The following KLHL11 variants were observed in gnomAD, a reference collection of about 807,000 sequenced individuals.
KLHL11 encodes the protein kelch-like protein 11.
Under a neutral mutation model 56.1 loss-of-function variants are expected in KLHL11, and 26 were observed. The observed-to-expected ratio is 0.46, with a 90% CI of 0.34 to 0.64. The LOEUF (loss-of-function observed/expected upper bound fraction) is 0.64, where lower values mean the gene tolerates loss of function less well. KLHL11 is among the 30% of genes least tolerant of loss of function. The probability of loss-of-function intolerance (pLI) is 0.01; values close to 1 mark genes in which losing one functional copy is unlikely to be tolerated. For missense variants in KLHL11, 627 were observed against 919.4 expected (o/e 0.68, Z 4.11); for synonymous variants, 338 against 345.8 (o/e 0.98, Z 0.25).
chr17:41,853,975 G>C lies in KLHL11; in HGVS notation c.1892C>G (p.Ala631Gly), dbSNP rs1555622219. Residue 631 changes from alanine to glycine, a missense_variant, in exon 2 of 2, where the codon GCC becomes GGC. Transcript: ENST00000319121. ...CTTCCTCTCCGCACAATATCGGTAG[G>C]CTTCTTTCCGATACTGTTTATCAAT... ...DDIDKQYRKE[A>G]YRYCAERKRW... 3 of 1,614,164 alleles carry C rather than the reference G, an allele frequency of 1.9e-6. No homozygotes were observed. The highest frequency in any genetic ancestry group is 2.7e-5 in the African/African-American group (2 of 75,038).
chr17:41,862,515 C>T (rs1039747873), intron 1 of KLHL11, among the ~76,000 whole-genome samples: 18 of 151,732 alleles, frequency 1.2e-4, no homozygotes, highest in African/African-American at 4.4e-4. Context: ...CTCCTGACCT[C>T]GTGATCTGCC....
chr17:41,858,218 C>CT (rs1174225045), intron 1 of KLHL11, among the ~76,000 whole-genome samples: 1,810 of 116,312 alleles, frequency 0.016, 53 homozygotes, highest in African/African-American at 0.024. Context: ...TCACCAGCCT[C>CT]TTTTTTTTTT....
rs782711771 is a variant in KLHL11, at chr17:41,865,390, G to A, written c.-20C>T. 1.5e-6 allele frequency: 2 copies of A among 1,325,970 alleles called. No individual in the cohort carries two copies. The highest frequency in any genetic ancestry group is 2.8e-5 in the East Asian group (1 of 35,406). The allele number at this position is 1,325,970 out of a possible 1,614,324, so 82.1% of individuals were successfully genotyped here. A position where few individuals can be genotyped will look rare whatever the true frequency, so the allele number is the denominator to read the frequency against. The stretch of plus-strand genomic sequence containing the variant: ...CGCCATCTTGACGCCGCTGCGCCCG[G>A]CCTCCACAGCCTCGGAACGATGCGG... On this transcript the variant is annotated 5_prime_UTR_variant, in exon 1 of 2. Transcript: ENST00000319121.
In KLHL11 at chr17:41,854,669, G is replaced by T. The variant is rs1555622340; in HGVS notation, c.1198C>A (p.His400Asn). 6.2e-7 allele frequency: 1 copy of T among 1,614,144 alleles called. No homozygotes were observed. The highest frequency in any genetic ancestry group is 1.7e-5 in the Admixed American group (1 of 60,024). The change falls in exon 2 of 2, where the codon CAT becomes AAT. Residue 400 changes from histidine to asparagine, a missense_variant. Physicochemically the swap from His to Asn is moderately conservative, Grantham distance 68 (BLOSUM62 1). Around this residue, in one of 4 missense-constraint regions of KLHL11, gnomAD observed 106 missense variants for 227.0 expected, o/e 0.47. Transcript: ENST00000319121. This position sits in a 1 kb window ranked among gnomAD's most constrained non-coding sequence, Gnocchi z 4.9. The stretch of plus-strand genomic sequence containing the variant: ...TAGGATTCTGTTACTGCAACAGCAT[G>T]TCCATCGAGGTGATTATGAATATGT... ...LPHIHNHLDG[H>N]AVAVTESYVY...
chr17:41,865,323 T>TGCAGCCGCGGCCGCC lies in KLHL11; in HGVS notation c.33_47dup (p.Ala12_Ala16dup). ...TCTCCATCTCCAGTACCTGAAGAGA[T>TGCAGCCGCGGCCGCC]GCAGCCGCGGCCGCCGCCGCCGCCG... On this transcript the variant is annotated inframe_insertion, in exon 1 of 2. Transcript: ENST00000319121. 1 of 1,473,444 alleles carries TGCAGCCGCGGCCGCC rather than the reference T, an allele frequency of 6.8e-7. No individual in the cohort carries two copies. 91.3% of individuals were successfully genotyped at this position (1,473,444 alleles called of 1,614,324 possible).
chr17:41,855,847 C>CT (rs2048361779), intron 1 of KLHL11, among the ~76,000 whole-genome samples: 1 of 124,754 alleles, frequency 8.0e-6, no homozygotes, highest in Non-Finnish European at 1.7e-5. Context: ...AATTTTTGTA[C>CT]TTTTAGTAGA....
chr17:41,863,966 A>C (rs971091980), intron 1 of KLHL11, among the ~76,000 whole-genome samples: 1 of 152,164 alleles, frequency 6.6e-6, no homozygotes, highest in African/African-American at 2.4e-5. Flanking sequence ...CATTTTACTT[A>C]TTTACCGTCC....
At chr17:41,863,740 G>T (rs908465525) in intron 1 of KLHL11, among the ~76,000 whole-genome samples, 1 of 152,092 alleles carries the variant, frequency 6.6e-6, no homozygotes, top group Non-Finnish European at 1.5e-5. Flanking sequence ...CCACCTCAGA[G>T]CCTCTGTACC....
In KLHL11 at chr17:41,854,600, C is replaced by G; in HGVS notation, c.1267G>C (p.Val423Leu). The change falls in exon 2 of 2, where the codon GTA becomes CTA. Residue 423 changes from valine to leucine, a missense_variant. Val to Leu is a conservative substitution (Grantham distance 32). Coordinates refer to ENST00000319121, the MANE Select transcript of KLHL11 (RefSeq NM_018143.3). The surrounding 1 kb of genome is among the most constrained non-coding windows in gnomAD (Gnocchi z 4.9). ...TTCAAATTTGGGTTATACCTTTCTA[C>G]AGTTTTAGCAAACCCTGGCTCCATT... ...GSMEPGFAKT[V>L]ERYNPNLNTW... 1 of 1,614,228 alleles carries G rather than the reference C, an allele frequency of 6.2e-7. No homozygotes were observed. Among genetic ancestry groups the G allele is most frequent in the Non-Finnish European group, 8.5e-7 (1 of 1,180,040 alleles).
rs559791810 is a variant in KLHL11 at position 41,864,816 on chromosome 17, C to T, written c.545+10G>A. ...CCGCCGCCCTCCGCGCTCCCGCCTC[C>T]CTCGCCTACCTGTCGGCCAACTCCA... On this transcript the variant is annotated intron_variant, in intron 1 of 1. Coordinates refer to ENST00000319121, the MANE Select transcript of KLHL11 (RefSeq NM_018143.3). 1.3e-6 allele frequency: 2 copies of T among 1,495,014 alleles called. No individual in the cohort carries two copies. The highest frequency in any genetic ancestry group is 1.4e-5 in the African/African-American group (1 of 69,812). The allele number at this position is 1,495,014 out of a possible 1,614,324, so 92.6% of individuals were successfully genotyped here. A position where few individuals can be genotyped will look rare whatever the true frequency, so the allele number is the denominator to read the frequency against.
intron 1 of KLHL11, among the ~76,000 whole-genome samples, chr17:41,858,749 T>C (rs2048384335): frequency 6.6e-6 from 1 of 151,906 alleles, no homozygotes; most frequent in African/African-American, 2.4e-5. Context: ...GATAATTTTT[T>C]TTTTTGTATT....
Position 41,858,088 on chromosome 17 carries a change from G to T in KLHL11, c.546-2767C>A, listed in dbSNP as rs143677098. Among the ~76,000 whole-genome samples, 87 of 152,152 alleles carry T rather than the reference G, an allele frequency of 5.7e-4. No homozygotes were observed. In the East Asian group the frequency reaches 0.016, roughly 27 times the overall value. On this transcript the variant is annotated intron_variant, in intron 1 of 1. Transcript: ENST00000319121. ...TTGCCTCGCCCTCCCAAAGTGCTGG[G>T]GTTACAGGCGTGAGCCACCACGCCC... is the stretch of plus-strand genomic sequence containing the variant.
At chr17:41,860,287 T>G (rs2048394486) in intron 1 of KLHL11, among the ~76,000 whole-genome samples, 1 of 151,350 alleles carries the variant, frequency 6.6e-6, no homozygotes, top group Non-Finnish European at 1.5e-5. Context: ...GTCATACACT[T>G]GGCATCTGTC....
chr17:41,856,251 A>C (rs1238388001), intron 1 of KLHL11, among the ~76,000 whole-genome samples: 1 of 152,206 alleles, frequency 6.6e-6, no homozygotes, highest in Non-Finnish European at 1.5e-5. Context: ...CAGCCTCTCA[A>C]AGTGCTGAGA....
Position 41,854,686 on chromosome 17 carries a change from T to C in KLHL11, c.1181A>G (p.His394Arg). 3.7e-6 allele frequency: 6 copies of C among 1,614,194 alleles called. No homozygotes were observed. Among genetic ancestry groups the C allele is most frequent in the Non-Finnish European group, 5.1e-6 (6 of 1,180,042 alleles). The part of the protein sequence containing the change: ...EDRWVNLPHI[H>R]NHLDGHAVAV... ...AACAGCATGTCCATCGAGGTGATTA[T>C]GAATATGTGGCAGATTTACCCATCT... Residue 394 changes from histidine to arginine, a missense_variant, in exon 2 of 2, where the codon CAT (histidine) becomes CGT (arginine). His to Arg is a conservative substitution (Grantham distance 29). Coordinates refer to ENST00000319121, the MANE Select transcript of KLHL11 (RefSeq NM_018143.3). The surrounding 1 kb of genome is among the most constrained non-coding windows in gnomAD (Gnocchi z 4.9).
chr17:41,854,859 T>C lies in KLHL11; in HGVS notation c.1008A>G (p.Ile336Met), dbSNP rs1555622357. 6.2e-7 allele frequency: 1 copy of C among 1,614,234 alleles called. No homozygotes were observed. Among genetic ancestry groups the C allele is most frequent in the Non-Finnish European group, 8.5e-7 (1 of 1,180,038 alleles). Reference sequence around the variant, plus strand: ...TGGGGTGCTGGCATGTGCCAGATTGTATATTCTCAGCTCTCAGAGCATGTC... The same window carrying C: ...TGGGGTGCTGGCATGTGCCAGATTGCATATTCTCAGCTCTCAGAGCATGTC... ...VERHALRAEN[I>M]QSGTCQHPTS... is the part of the protein sequence containing the mutation. Residue 336 changes from isoleucine (I) to methionine (M), a missense_variant, in exon 2 of 2, where the codon ATA (isoleucine) becomes ATG (methionine). By Grantham distance (10) the Ile-to-Met change is conservative (BLOSUM62 1). Coordinates refer to ENST00000319121, the MANE Select transcript of KLHL11 (RefSeq NM_018143.3). The surrounding 1 kb of genome is among the most constrained non-coding windows in gnomAD (Gnocchi z 4.9).
intron 1 of KLHL11, among the ~76,000 whole-genome samples, chr17:41,863,653 G>T (rs2048418902): frequency 6.6e-6 from 1 of 152,084 alleles, no homozygotes; most frequent in Admixed American, 6.6e-5. Context: ...CCATCCTGGG[G>T]CTTCTCCTGT....
Position 41,849,640 on chromosome 17 carries a change from TATGTC to T in KLHL11, c.*4095_*4099del, listed in dbSNP as rs1411116717. 4 of 152,212 alleles carry T rather than the reference TATGTC, an allele frequency of 2.6e-5. No homozygotes were observed. The highest frequency in any genetic ancestry group is 7.2e-5 in the African/African-American group (3 of 41,460). The allele number at this position is 152,212 out of a possible 1,614,324, so 9.4% of individuals were successfully genotyped here. A position where few individuals can be genotyped will look rare whatever the true frequency, so the allele number is the denominator to read the frequency against. ...AAAACCGGGTGATCAAAACAAAACTTATGTCATGAATTTTAAGAGTTTTTAGCAAA... is the reference window on the plus strand; with the variant it reads ...AAAACCGGGTGATCAAAACAAAACTTATGAATTTTAAGAGTTTTTAGCAAA... On this transcript the variant is annotated 3_prime_UTR_variant, in exon 2 of 2. Coordinates refer to ENST00000319121, the MANE Select transcript of KLHL11 (RefSeq NM_018143.3).
In KLHL11 at chr17:41,848,626, T is replaced by C. The variant is rs1217607733; in HGVS notation, c.*5114A>G. On this transcript the variant is annotated 3_prime_UTR_variant, in exon 2 of 2. Transcript: ENST00000319121. Reference sequence around the variant, plus strand: ...ACAAGCTATTTTACAATGTCATGTCTCAAGGTGTTCTAAATGCTACATCTC... The same window carrying C: ...ACAAGCTATTTTACAATGTCATGTCCCAAGGTGTTCTAAATGCTACATCTC... The C allele has an allele frequency of 7.9e-6, 2 of 254,198 alleles. No homozygotes were observed. Among genetic ancestry groups the C allele is most frequent in the East Asian group, 1.9e-4 (2 of 10,700 alleles). The allele number at this position is 254,198 out of a possible 1,614,324, so 15.7% of individuals were successfully genotyped here.
Sources: allele counts gnomAD v4.1 joint callset (sites outside exome capture counted in the v4.1 genomes callset), GRCh38; gene constraint gnomAD v4.1.1; regional missense constraint gnomAD v4.1.1; non-coding constraint Gnocchi (gnomAD v3.1); transcripts MANE v1.5; gene names NCBI Gene and HGNC (gene_info 2026-07-23, HGNC 2026-07-21).